FOXP1: variants seen among roughly 807,000 people sequenced by gnomAD.
FOXP1 encodes the protein forkhead box P1.
Under a neutral mutation model 98.2 loss-of-function variants are expected in FOXP1, and 15 were observed. The observed-to-expected ratio is 0.15, with a 90% CI of 0.10 to 0.24. The LOEUF is 0.24. Ranked by LOEUF, FOXP1 falls within the 10% of genes least tolerant of loss-of-function variation. The probability of loss-of-function intolerance (pLI) is 1.00; values close to 1 mark genes in which losing one functional copy is unlikely to be tolerated. For missense variants in FOXP1, 633 were observed against 848.5 expected, an observed-to-expected ratio of 0.75 and a Z score of 3.15; for synonymous variants, 371 against 314.5, an observed-to-expected ratio of 1.18 and a Z score of -1.90.
chr3:71,552,384 A>G (rs1451697488), intron 2 of FOXP1, among the ~76,000 whole-genome samples: 1 of 152,052 alleles, frequency 6.6e-6, no homozygotes, highest in East Asian at 1.9e-4. Flanking sequence ...TTTATTTTCT[A>G]GGTTCAGACA....
intron 4 of FOXP1, among the ~76,000 whole-genome samples, chr3:71,336,213 T>C (rs932538159): frequency 1.3e-5 from 2 of 152,126 alleles, no homozygotes; most frequent in Admixed American, 1.3e-4. Flanking sequence ...AATTGAAATC[T>C]ACTAACATGT....
At chr3:71,445,749 G>A (rs574052668) in intron 3 of FOXP1, among the ~76,000 whole-genome samples, 14 of 149,722 alleles carry the variant, frequency 9.4e-5, no homozygotes, top group Admixed American at 2.0e-4. Context: ...GTGCAGTGGC[G>A]CAATCTCAGC....
chr3:71,500,483 C>G (rs535751006), intron 2 of FOXP1, among the ~76,000 whole-genome samples: 129 of 152,272 alleles, frequency 8.5e-4, no homozygotes, highest in Non-Finnish European at 1.5e-3. Flanking sequence ...AGACCATCAT[C>G]CTGCTGGCTT....
chr3:71,380,857 T>C (rs1286127299), intron 3 of FOXP1, among the ~76,000 whole-genome samples: 1 of 152,134 alleles, frequency 6.6e-6, no homozygotes, highest in African/African-American at 2.4e-5. Flanking sequence ...CAATTTCTGT[T>C]GTTGAGTCAT....
At chr3:71,363,699 G>C (rs2078728376) in intron 3 of FOXP1, among the ~76,000 whole-genome samples, 1 of 152,112 alleles carries the variant, frequency 6.6e-6, no homozygotes, top group South Asian at 2.1e-4. Flanking sequence ...GTCAGTCTGT[G>C]GCAAAGACCA....
At chr3:71,523,542 T>C (rs887327401) in intron 2 of FOXP1, among the ~76,000 whole-genome samples, 2 of 152,232 alleles carry the variant, frequency 1.3e-5, no homozygotes, top group Non-Finnish European at 1.5e-5. Flanking sequence ...TTCAAAACAG[T>C]AGCAAGAGCC....
intron 6 of FOXP1, among the ~76,000 whole-genome samples, chr3:71,196,295 C>T (rs1482149163): frequency 6.6e-6 from 1 of 152,126 alleles, no homozygotes; most frequent in Non-Finnish European, 1.5e-5. Flanking sequence ...GCAACTGATA[C>T]TTTTTAAGGA....
At chr3:71,354,185 A>G (rs2077998938) in intron 4 of FOXP1, among the ~76,000 whole-genome samples, 1 of 151,430 alleles carries the variant, frequency 6.6e-6, no homozygotes. Flanking sequence ...AGGCTGAGGC[A>G]GGAGAATCGC....
chr3:71,267,304 T>C (rs1309434758), intron 5 of FOXP1, among the ~76,000 whole-genome samples: 1 of 152,142 alleles, frequency 6.6e-6, no homozygotes, highest in Admixed American at 6.6e-5. Flanking sequence ...TCCTTTTTTC[T>C]TACAAAGAGG....
At chr3:71,339,844 C>A (rs1369993514) in intron 4 of FOXP1, among the ~76,000 whole-genome samples, 1 of 152,200 alleles carries the variant, frequency 6.6e-6, no homozygotes, top group African/African-American at 2.4e-5. Context: ...CTTCCACTAG[C>A]AATCCAATCT....
rs114716321 is a variant in FOXP1 at position 71,558,166 on chromosome 3, T to C, written c.-298+23383A>G. On this transcript the variant is annotated intron_variant, in intron 2 of 20. Transcript: ENST00000649528. Reference sequence around the variant, plus strand: ...ATCTTCCTTCCCTCCCCATGACTGATGTTGGCCTCTCATCATTCTTTTCCA... The same window carrying C: ...ATCTTCCTTCCCTCCCCATGACTGACGTTGGCCTCTCATCATTCTTTTCCA... 8.1e-3 allele frequency among the ~76,000 whole-genome samples: 1,237 copies of C among 152,284 alleles called. 12 individuals carry two copies. Among genetic ancestry groups the C allele is most frequent in the African/African-American group, 0.028 (1,163 of 41,558 alleles).
At chr3:71,529,967 G>A (rs1489892778) in intron 2 of FOXP1, among the ~76,000 whole-genome samples, 1 of 152,138 alleles carries the variant, frequency 6.6e-6, no homozygotes, top group Non-Finnish European at 1.5e-5. Context: ...TGGGTCAGAA[G>A]CATAGGTGAC....
At position 71,112,551 on chromosome 3, in the gene FOXP1, T is replaced by G. The variant is rs747077717; in HGVS notation, c.267A>C (p.Lys89Asn). The change falls in exon 7 of 21, where the codon AAA becomes AAC. Residue 89 changes from lysine (K) to asparagine (N), a missense_variant. Lys to Asn is a moderately conservative substitution (Grantham distance 94). Transcript: ENST00000649528. The part of the protein sequence containing the change: ...SGLKSPKRND[K>N]QPALQVPVSV... ...GAATTGTTACCTGAAGAGCTGGTTGTTTGTCATTCCTCTTGGGAGATTTTA... is the reference window on the plus strand; with the variant it reads ...GAATTGTTACCTGAAGAGCTGGTTGGTTGTCATTCCTCTTGGGAGATTTTA... 8 of 1,613,508 alleles carry G rather than the reference T, an allele frequency of 5.0e-6. No homozygotes were observed. The highest frequency in any genetic ancestry group is 2.7e-5 in the African/African-American group (2 of 75,044).
intron 4 of FOXP1, among the ~76,000 whole-genome samples, chr3:71,346,265 G>T (rs1397378492): frequency 6.6e-6 from 1 of 152,194 alleles, no homozygotes; most frequent in African/African-American, 2.4e-5. Context: ...GTTGGAGTTG[G>T]TGATCTAAGC....
chr3:71,153,968 A>G (rs575796754), intron 6 of FOXP1, among the ~76,000 whole-genome samples: 8 of 152,326 alleles, frequency 5.3e-5, no homozygotes, highest in Non-Finnish European at 1.2e-4. Context: ...ATTATGTACA[A>G]TTGACACAAG....
intron 3 of FOXP1, among the ~76,000 whole-genome samples, chr3:71,481,907 C>T (rs549092908): frequency 3.3e-5 from 5 of 152,216 alleles, no homozygotes; most frequent in South Asian, 2.1e-4. Context: ...TTTATGAAAA[C>T]GCCCCACTCC....
At chr3:71,511,809 TA>T (rs2042224517) in intron 2 of FOXP1, among the ~76,000 whole-genome samples, 1 of 152,224 alleles carries the variant, frequency 6.6e-6, no homozygotes, top group Non-Finnish European at 1.5e-5. Flanking sequence ...CTTGAATGGA[TA>T]AATATATTCA....
intron 5 of FOXP1, among the ~76,000 whole-genome samples, chr3:71,206,721 A>G (rs936686927): frequency 6.6e-6 from 1 of 152,238 alleles, no homozygotes; most frequent in African/African-American, 2.4e-5. Flanking sequence ...TTTCTTGGAT[A>G]ACGTAATCTT....
chr3:71,140,815 A>G (rs1479850371), intron 6 of FOXP1, among the ~76,000 whole-genome samples: 1 of 152,078 alleles, frequency 6.6e-6, no homozygotes, highest in Non-Finnish European at 1.5e-5. Flanking sequence ...CTGTCTTGGG[A>G]TGTTAAAAAA....
Sources: gnomAD v4.1 joint callset for allele counts (sites outside exome capture counted in the v4.1 genomes callset) on GRCh38, gnomAD v4.1.1 for gene constraint, MANE v1.5 for transcripts, NCBI Gene and HGNC (gene_info 2026-07-23, HGNC 2026-07-21) for gene names.